Variants in ZC3H15 observed in about 807,000 individuals in gnomAD.
ZC3H15 encodes zinc finger CCCH-type containing 15, also known as zinc finger CCCH domain-containing protein 15.
In ZC3H15, 15 loss-of-function variants were observed where a neutral mutation model predicts 51.2. The observed-to-expected ratio is 0.29, with a 90% CI of 0.20 to 0.45. The LOEUF (loss-of-function observed/expected upper bound fraction) is 0.45. Ranked by LOEUF, ZC3H15 falls within the 20% of genes least tolerant of loss-of-function variation. ZC3H15 has a pLI of 1.00. For missense variants in ZC3H15, 381 were observed against 494.7 expected (o/e 0.77, Z 2.18); for synonymous variants, 144 against 162.8 (o/e 0.88, Z 0.88).
At chr2:186,506,978 T>G in intron 9 of ZC3H15, 142 bp downstream of exon 9, 1 of 935,826 alleles carries the variant, frequency 1.1e-6, no homozygotes, top group Non-Finnish European at 1.6e-6. Flanking sequence ...AAAGCAGTAA[T>G]AAATAGTGAA....
intron 3 of ZC3H15, chr2:186,500,722 T>C (rs1288244897): frequency 2.2e-6 from 1 of 454,914 alleles, no homozygotes; most frequent in African/African-American, 2.0e-5. Context: ...GTCACCAGGC[T>C]GGAGTGCAGT....
At chr2:186,500,660 CT>C (rs1559010917) in intron 3 of ZC3H15, 4 of 469,468 alleles carry the variant, frequency 8.5e-6, no homozygotes, top group Non-Finnish European at 1.3e-5. Context: ...TCTTTTTTGC[CT>C]TTTTTTGTTT....
In ZC3H15 at chr2:186,502,506, T is replaced by C. The variant is rs760038200; in HGVS notation, c.453T>C (p.Asp151=). 2.5e-6 allele frequency: 4 copies of C among 1,611,854 alleles called. No homozygotes were observed. The highest frequency in any genetic ancestry group is 1.7e-5 in the Admixed American group (1 of 59,754). ...CATTTCTTTATTTAGATACTATGGA[T>C]AATTGGGATGAGAAAAAGCTGGAAG... ...RDEELEKDTM[D]NWDEKKLEEV... is the part of the protein sequence containing the mutation. Residue 151 remains aspartate, a synonymous_variant, in exon 5 of 10, where the codon GAT becomes GAC. Coordinates refer to ENST00000337859, the MANE Select transcript of ZC3H15 (RefSeq NM_018471.3).
rs1190452879 is a variant in ZC3H15 at position 186,501,348 on chromosome 2, C to T, written c.365C>T (p.Ser122Phe). Residue 122 changes from serine (S) to phenylalanine (F), a missense_variant, in exon 4 of 10, where the codon TCC (serine) becomes TTC (phenylalanine). By Grantham distance (155) the Ser-to-Phe change is radical (BLOSUM62 -2). Coordinates refer to ENST00000337859, the MANE Select transcript of ZC3H15 (RefSeq NM_018471.3). ...QCTKGDKCKF[S>F]HDLTLERKCE... ...ACTAAAGGAGATAAGTGTAAGTTCT[C>T]CCATGACTTGACTCTGGAGAGAAAA... is the stretch of plus-strand genomic sequence containing the variant. The T allele has an allele frequency of 1.2e-6, 2 of 1,613,828 alleles. No homozygotes were observed. Among genetic ancestry groups the T allele is most frequent in the South Asian group, 1.1e-5 (1 of 91,050 alleles).
At chr2:186,500,662 T>TTTTTTG (rs575413584) in intron 3 of ZC3H15, 26 of 467,900 alleles carry the variant, frequency 5.6e-5, no homozygotes, top group Non-Finnish European at 8.5e-5. Flanking sequence ...TTTTTTGCCT[T>TTTTTTG]TTTTTGTTTT....
chr2:186,489,981 A>G (rs908834082), intron 1 of ZC3H15, among the ~76,000 whole-genome samples: 1 of 152,154 alleles, frequency 6.6e-6, no homozygotes, highest in Non-Finnish European at 1.5e-5. Context: ...AGCTATTGTT[A>G]TTGCCTATTT....
At chr2:186,500,316 G>A in intron 3 of ZC3H15, 23 bp downstream of exon 3, 1 of 1,558,692 alleles carries the variant, frequency 6.4e-7, no homozygotes, top group South Asian at 1.2e-5. Flanking sequence ...TTTCAGAAGT[G>A]TGATTTTTTA....
In ZC3H15 at chr2:186,489,332, AGG is replaced by A. The variant is rs1685157902; in HGVS notation, c.75+2876_75+2877del. 3.3e-5 allele frequency among the ~76,000 whole-genome samples: 5 copies of A among 152,356 alleles called. No individual in the cohort carries two copies. In the South Asian group the frequency reaches 1.0e-3, roughly 32 times the overall value. ...GACTATTCTGTTATTCAGCCTGGTT[AGG>A]AAATGATATAGTCTGCTTCATTATA... On this transcript the variant is annotated intron_variant, in intron 1 of 9. Coordinates refer to ENST00000337859, the MANE Select transcript of ZC3H15 (RefSeq NM_018471.3).
chr2:186,490,032 GA>G (rs1685168690), intron 1 of ZC3H15, among the ~76,000 whole-genome samples: 1 of 152,136 alleles, frequency 6.6e-6, no homozygotes. Flanking sequence ...ACATCAGACT[GA>G]TCTGCACAGT....
intron 2 of ZC3H15, among the ~76,000 whole-genome samples, chr2:186,499,143 C>G (rs1186227910): frequency 6.6e-6 from 1 of 152,210 alleles, no homozygotes; most frequent in Non-Finnish European, 1.5e-5. Flanking sequence ...TTTTCTCCAT[C>G]CTTACCAGTA....
rs1224916590 is a variant in ZC3H15, at chr2:186,505,334, A to G, written c.718-117A>G. 12 of 1,223,508 alleles carry G rather than the reference A, an allele frequency of 9.8e-6. No individual in the cohort carries two copies. The Admixed American group carries it at 1.5e-4, about 15-fold the overall frequency. 75.8% of individuals were successfully genotyped at this position (1,223,508 alleles called of 1,614,324 possible). A position where few individuals can be genotyped will look rare whatever the true frequency, so the allele number is the denominator to read the frequency against. ...AAAATACATAAATTAGCTTATTCCAATGTAATATCTTCAGGATAGTCATGG... is the reference window on the plus strand; with the variant it reads ...AAAATACATAAATTAGCTTATTCCAGTGTAATATCTTCAGGATAGTCATGG... On this transcript the variant is annotated intron_variant, in intron 6 of 9. Coordinates refer to ENST00000337859, the MANE Select transcript of ZC3H15 (RefSeq NM_018471.3).
intron 1 of ZC3H15, among the ~76,000 whole-genome samples, chr2:186,492,726 T>C (rs527506818): frequency 4.6e-5 from 7 of 152,350 alleles, no homozygotes; most frequent in African/African-American, 1.7e-4. Context: ...TACTATTGTT[T>C]TCTTTTTCTA....
At chr2:186,493,659 AGTCTGAAATTAGT>A (rs1220577625) in intron 1 of ZC3H15, among the ~76,000 whole-genome samples, 1 of 151,996 alleles carries the variant, frequency 6.6e-6, no homozygotes, top group African/African-American at 2.4e-5. Context: ...GGAGGCTAGA[AGTCTGAAATTAGT>A]GTCAGCAGGG....
Position 186,506,740 on chromosome 2 carries a change from A to C in ZC3H15, c.994A>C (p.Ile332Leu). 8 of 1,612,984 alleles carry C rather than the reference A, an allele frequency of 5.0e-6. No individual in the cohort carries two copies. The highest frequency in any genetic ancestry group is 6.8e-6 in the Non-Finnish European group (8 of 1,179,352). ...TGATGATTCAGTGAGTGTAAATGAC[A>C]TAGATTTAAGCCTGTACATCCCAAG... is the stretch of plus-strand genomic sequence containing the variant. ...EVDDSVSVND[I>L]DLSLYIPRDV... Residue 332 changes from isoleucine to leucine, a missense_variant, in exon 9 of 10, where the codon ATA (isoleucine) becomes CTA (leucine). Coordinates refer to ENST00000337859, the MANE Select transcript of ZC3H15 (RefSeq NM_018471.3).
intron 2 of ZC3H15, among the ~76,000 whole-genome samples, chr2:186,498,266 GC>G (rs1430978540): frequency 6.6e-6 from 1 of 152,172 alleles, no homozygotes; most frequent in Non-Finnish European, 1.5e-5. Context: ...AGAAAAAAGA[GC>G]CCAGGGCTAA....
intron 4 of ZC3H15, among the ~76,000 whole-genome samples, chr2:186,502,106 T>C (rs1007793521): frequency 6.6e-6 from 1 of 151,928 alleles, no homozygotes; most frequent in African/African-American, 2.4e-5. Context: ...CCCAGCACTT[T>C]GGGAGGCCAA....
intron 1 of ZC3H15, among the ~76,000 whole-genome samples, chr2:186,490,254 C>G (rs963047578): frequency 3.9e-5 from 6 of 152,034 alleles, no homozygotes; most frequent in Admixed American, 3.3e-4. Context: ...TGCTTTCTTA[C>G]AACTAAAATT....
intron 3 of ZC3H15, chr2:186,500,632 CT>C: frequency 2.0e-6 from 1 of 490,496 alleles, no homozygotes; most frequent in Non-Finnish European, 4.0e-6. Context: ...TGGCACTGTT[CT>C]GTCATGTATG....
intron 3 of ZC3H15, chr2:186,500,735 C>CCCCA: frequency 2.2e-6 from 1 of 453,900 alleles, no homozygotes; most frequent in South Asian, 1.6e-5. Flanking sequence ...AGTGCAGTGG[C>CCCCA]ACCATCTCAG....
Sources: allele counts gnomAD v4.1 joint callset (sites outside exome capture counted in the v4.1 genomes callset), GRCh38; gene constraint gnomAD v4.1.1; transcripts MANE v1.5; gene names NCBI Gene and HGNC (gene_info 2026-07-23, HGNC 2026-07-21).